Variants in TRAF1 observed in about 807,000 individuals in gnomAD.
TRAF1 encodes TNF receptor associated factor 1.
A neutral mutation model predicts 40.9 loss-of-function variants in TRAF1; 23 were observed. That is an observed-to-expected ratio of 0.56 (90% CI 0.40 to 0.80). The LOEUF is 0.80. Ranked by LOEUF, TRAF1 falls within the 30% of genes least tolerant of loss-of-function variation. The pLI is 0.00. For missense variants in TRAF1, 477 were observed against 528.7 expected, an observed-to-expected ratio of 0.90 and a Z score of 0.96; for synonymous variants, 206 against 218.8, an observed-to-expected ratio of 0.94 and a Z score of 0.52.
At chr9:120,910,429 C>T (rs2046517603) in intron 6 of TRAF1, among the ~76,000 whole-genome samples, 1 of 152,122 alleles carries the variant, frequency 6.6e-6, no homozygotes, top group Admixed American at 6.5e-5. Context: ...TTGAGAGGGT[C>T]TTGCTTTGTT....
rs1480842507 is a variant in TRAF1 at position 120,903,027 on chromosome 9, C to A, written c.*1993G>T. 6.6e-6 allele frequency: 1 copy of A among 152,198 alleles called. No homozygotes were observed. Among genetic ancestry groups the A allele is most frequent in the Non-Finnish European group, 1.5e-5 (1 of 68,048 alleles). 9.4% of individuals were successfully genotyped at this position (152,198 alleles called of 1,614,324 possible). Reference sequence around the variant, plus strand: ...CATGGGGGCTTGTTCTACAAATCCCCCCTTGGGCTCAACACTCGGTGAGTA... The same window carrying A: ...CATGGGGGCTTGTTCTACAAATCCCACCTTGGGCTCAACACTCGGTGAGTA... On this transcript the variant is annotated 3_prime_UTR_variant, in exon 8 of 8. Transcript: ENST00000373887.
rs2046467007 is a variant in TRAF1, at chr9:120,904,861, C to T, written c.*159G>A. On this transcript the variant is annotated 3_prime_UTR_variant, in exon 8 of 8. Transcript: ENST00000373887. Reference sequence around the variant, plus strand: ...CCCAGCCCACGTCCTGCCATCCTAACCAGATGGCCAGCCCGAAGTCGACCC... The same window carrying T: ...CCCAGCCCACGTCCTGCCATCCTAATCAGATGGCCAGCCCGAAGTCGACCC... 1 of 746,436 alleles carries T rather than the reference C, an allele frequency of 1.3e-6. No homozygotes were observed. The allele number at this position is 746,436 out of a possible 1,614,324, so 46.2% of individuals were successfully genotyped here.
chr9:120,924,300 A>G (rs1487247030), intron 2 of TRAF1, among the ~76,000 whole-genome samples: 1 of 152,202 alleles, frequency 6.6e-6, no homozygotes, highest in African/African-American at 2.4e-5. Flanking sequence ...ATCATGGCCT[A>G]TTAGAACAAG....
At chr9:120,908,065 TTTATTATTA>T (rs909855089) in intron 7 of TRAF1, among the ~76,000 whole-genome samples, 1 of 151,442 alleles carries the variant, frequency 6.6e-6, no homozygotes, top group Non-Finnish European at 1.5e-5. Context: ...GCTGATGGTT[TTTATTATTA>T]TTATTATTTT....
intron 3 of TRAF1, among the ~76,000 whole-genome samples, chr9:120,919,400 A>G (rs2046590408): frequency 6.6e-6 from 1 of 152,028 alleles, no homozygotes; most frequent in East Asian, 1.9e-4. Flanking sequence ...AGTGGGCCCT[A>G]GCGGGGGGCC....
chr9:120,924,772 A>G (rs556331928), intron 2 of TRAF1, among the ~76,000 whole-genome samples: 11 of 152,292 alleles, frequency 7.2e-5, no homozygotes, highest in African/African-American at 2.6e-4. Context: ...CTACCGAGAT[A>G]GTCTATTTTA....
In TRAF1 at chr9:120,914,250, G is replaced by A. The variant is rs375105487; in HGVS notation, c.279C>T (p.Val93=). 9.6e-5 allele frequency: 147 copies of A among 1,539,166 alleles called. No individual in the cohort carries two copies. The highest frequency in any genetic ancestry group is 3.5e-4 in the Middle Eastern group (2 of 5,716). ...AGATGCTTACCTTGAAGGAGCAGCC[G>A]ACACCTGCAAAGGGGCACCCAATTC... ...EAGIGCPFAG[V]GCSFKGSPQS... Residue 93 remains valine, a synonymous_variant, in exon 4 of 8, where the codon GTC becomes GTT. Coordinates refer to ENST00000373887, the MANE Select transcript of TRAF1 (RefSeq NM_005658.5).
chr9:120,915,737 G>A (rs2046564880), intron 3 of TRAF1, among the ~76,000 whole-genome samples: 1 of 152,060 alleles, frequency 6.6e-6, no homozygotes, highest in Non-Finnish European at 1.5e-5. Flanking sequence ...GGGAGGCTGA[G>A]GTGGGAGGAT....
chr9:120,923,922 C>T lies in TRAF1; in HGVS notation c.141-130G>A, dbSNP rs146563225. 20 of 886,784 alleles carry T rather than the reference C, an allele frequency of 2.3e-5. No individual in the cohort carries two copies. In the African/African-American group the frequency reaches 3.2e-4, roughly 14 times the overall value. The allele number at this position is 886,784 out of a possible 1,614,324, so 54.9% of individuals were successfully genotyped here. ...ATGTACGTCCACAATCCCAGAGCCA[C>T]AGTTCCTAAATCGCAAAACTGCCGA... is the stretch of plus-strand genomic sequence containing the variant. On this transcript the variant is annotated intron_variant, in intron 2 of 7. Coordinates refer to ENST00000373887, the MANE Select transcript of TRAF1 (RefSeq NM_005658.5).
At chr9:120,921,566 A>T (rs541358329) in intron 3 of TRAF1, among the ~76,000 whole-genome samples, 64 of 152,232 alleles carry the variant, frequency 4.2e-4, no homozygotes, top group African/African-American at 1.5e-3. Flanking sequence ...TGGCTCACAG[A>T]GTTGAGGGTC....
intron 7 of TRAF1, 41 bp downstream of exon 7, chr9:120,909,189 C>T: frequency 6.3e-7 from 1 of 1,599,064 alleles, no homozygotes; most frequent in Non-Finnish European, 8.5e-7. Context: ...ACTCAGGCTT[C>T]CATGCTCCCC....
intron 3 of TRAF1, among the ~76,000 whole-genome samples, chr9:120,919,467 T>C (rs2046590868): frequency 1.3e-5 from 2 of 152,096 alleles, no homozygotes; most frequent in South Asian, 2.1e-4. Context: ...GCTGGGAGCA[T>C]GAGTGCCACC....
chr9:120,926,900 T>C (rs1378935848), upstream of TRAF1: 1 of 152,032 alleles, frequency 6.6e-6, no homozygotes, highest in Non-Finnish European at 1.5e-5. Flanking sequence ...CTTTACTGCC[T>C]CAAGGAGAAC....
At position 120,903,213 on chromosome 9, in the gene TRAF1, A is replaced by T. The variant is rs541894316; in HGVS notation, c.*1807T>A. On this transcript the variant is annotated 3_prime_UTR_variant, in exon 8 of 8. Transcript: ENST00000373887. Reference sequence around the variant, plus strand: ...ACGCTGTCAGCCGTGGGAACAATAAAAAGCAGCCCCAGAATGTTTGCTGCT... The same window carrying T: ...ACGCTGTCAGCCGTGGGAACAATAATAAGCAGCCCCAGAATGTTTGCTGCT... The T allele has an allele frequency of 6.6e-6, 1 of 152,264 alleles. No homozygotes were observed. The highest frequency in any genetic ancestry group is 1.5e-5 in the Non-Finnish European group (1 of 68,048). The allele number at this position is 152,264 out of a possible 1,614,324, so 9.4% of individuals were successfully genotyped here. A position where few individuals can be genotyped will look rare whatever the true frequency, so the allele number is the denominator to read the frequency against.
chr9:120,923,802 C>A lies in TRAF1; in HGVS notation c.141-10G>T. On this transcript the variant is annotated splice_polypyrimidine_tract_variant and intron_variant, in intron 2 of 7. Transcript: ENST00000373887. ...CTGATCCTCGCCATTCCTGGGGAAA[C>A]ATGGACAAAGCCTTGGAGAGAGGCA... The A allele has an allele frequency of 6.2e-7, 1 of 1,613,924 alleles. No homozygotes were observed.
chr9:120,908,759 C>T (rs1023513290), intron 7 of TRAF1, among the ~76,000 whole-genome samples: 1 of 152,114 alleles, frequency 6.6e-6, no homozygotes, highest in Admixed American at 6.5e-5. Flanking sequence ...GGGGTCTCAC[C>T]ATGTTGGCCA....
At position 120,905,014 on chromosome 9, in the gene TRAF1, C is replaced by A. The variant is rs1325432736; in HGVS notation, c.*6G>T. On this transcript the variant is annotated 3_prime_UTR_variant, in exon 8 of 8. Coordinates refer to ENST00000373887, the MANE Select transcript of TRAF1 (RefSeq NM_005658.5). ...AGTTGGAGCTCCCTCAGGAGCCCCGCCCACCCTAAGTGCTGGTCTCCACAA... is the reference window on the plus strand; with the variant it reads ...AGTTGGAGCTCCCTCAGGAGCCCCGACCACCCTAAGTGCTGGTCTCCACAA... 1 of 1,611,546 alleles carries A rather than the reference C, an allele frequency of 6.2e-7. No individual in the cohort carries two copies. Among genetic ancestry groups the A allele is most frequent in the Non-Finnish European group, 8.5e-7 (1 of 1,179,144 alleles).
rs779984358 is a variant in TRAF1, at chr9:120,926,044, G to T, written c.32C>A (p.Pro11Gln). Residue 11 changes from proline to glutamine, a missense_variant, in exon 2 of 8, where the codon CCG becomes CAG. By Grantham distance (76) the Pro-to-Gln change is moderately conservative (BLOSUM62 -1). Coordinates refer to ENST00000373887, the MANE Select transcript of TRAF1 (RefSeq NM_005658.5). ...GGGAAACTCATTCTCATCAGGGGCC[G>T]GGCGAGGACTGCTGCCTGAGCTGGA... MASSSGSSPR[P>Q]APDENEFPFG... The T allele has an allele frequency of 1.2e-6, 2 of 1,607,150 alleles. No individual in the cohort carries two copies. Among genetic ancestry groups the T allele is most frequent in the Admixed American group, 1.7e-5 (1 of 58,944 alleles).
intron 3 of TRAF1, among the ~76,000 whole-genome samples, chr9:120,922,332 T>C (rs1052496892): frequency 6.6e-6 from 1 of 152,262 alleles, no homozygotes; most frequent in African/African-American, 2.4e-5. Flanking sequence ...AAAACTATCA[T>C]CTACGATTAC....
Sources: allele counts gnomAD v4.1 joint callset (sites outside exome capture counted in the v4.1 genomes callset), GRCh38; gene constraint gnomAD v4.1.1; transcripts MANE v1.5; gene names NCBI Gene and HGNC (gene_info 2026-07-23, HGNC 2026-07-21).